UBR2: variants seen among roughly 807,000 people sequenced by gnomAD.
The protein encoded by UBR2 is E3 ubiquitin-protein ligase UBR2.
UBR2 carries 92 observed loss-of-function variants against 247.9 expected under a neutral mutation model. The observed-to-expected ratio is 0.37, with a 90% CI of 0.31 to 0.44. UBR2 has a LOEUF of 0.44. UBR2 is among the 20% of genes least tolerant of loss of function. The pLI is 1.00. For synonymous variants in UBR2, 672 were observed against 693.5 expected (o/e 0.97, Z 0.49); for missense variants, 1,613 against 2,112.6 (o/e 0.76, Z 4.64).
intron 32 of UBR2, 115 bp downstream of exon 32, chr6:42,663,534 C>T (rs4714617): frequency 0.13 from 134,377 of 1,069,442 alleles, 11,842 homozygotes; most frequent in African/African-American, 0.43. Context: ...TTTCCAGATA[C>T]TTTCCAAACT....
chr6:42,659,520 T>TATACACAC lies in UBR2; in HGVS notation c.3243-135_3243-134insTACACACA, dbSNP rs1404867350. ...GTCTCAAAAAATAAATAAATATATA[T>TATACACAC]ACACACACACACACACACACACACA... On this transcript the variant is annotated intron_variant, in intron 29 of 46. Coordinates refer to ENST00000372901, the MANE Select transcript of UBR2 (RefSeq NM_001363705.2). The surrounding 1 kb of genome is among the most constrained non-coding windows in gnomAD (Gnocchi z 4.3). 2.0e-4 allele frequency: 99 copies of TATACACAC among 503,072 alleles called. No homozygotes were observed. Among genetic ancestry groups the TATACACAC allele is most frequent in the African/African-American group, 1.6e-3 (78 of 48,094 alleles). 31.2% of individuals were successfully genotyped at this position (503,072 alleles called of 1,614,324 possible).
At chr6:42,663,512 A>G (rs1253815496) in intron 32 of UBR2, 93 bp downstream of exon 32, 6 of 1,300,618 alleles carry the variant, frequency 4.6e-6, no homozygotes, top group African/African-American at 4.6e-5. Context: ...AGTCTAGGCA[A>G]TTGCATAGTG....
At position 42,676,184 on chromosome 6, in the gene UBR2, A is replaced by G; in HGVS notation, c.4380A>G (p.Ser1460=). Residue 1460 remains serine (S), a synonymous_variant, in exon 39 of 47, where the codon TCA becomes TCG. Transcript: ENST00000372901. The stretch of plus-strand genomic sequence containing the variant: ...ACATCATACAGATCTTACTTACCTC[A>G]TGTACAGGTAACTCTTGCCTTTTTG... The part of the protein sequence containing the change: ...MAHIIQILLT[S]CTEENGMDQE... 2 of 1,590,784 alleles carry G rather than the reference A, an allele frequency of 1.3e-6. No individual in the cohort carries two copies. Among genetic ancestry groups the G allele is most frequent in the Non-Finnish European group, 1.7e-6 (2 of 1,173,268 alleles).
Position 42,659,555 on chromosome 6 carries a change from AC to A in UBR2, c.3243-100del. On this transcript the variant is annotated intron_variant, in intron 29 of 46. Coordinates refer to ENST00000372901, the MANE Select transcript of UBR2 (RefSeq NM_001363705.2). The surrounding 1 kb of genome is among the most constrained non-coding windows in gnomAD (Gnocchi z 4.3). ...CACACACACACACACACACACACACACACACACTACACACACACACACATAC... is the reference window on the plus strand; with the variant it reads ...CACACACACACACACACACACACACAACACACTACACACACACACACATAC... The A allele has an allele frequency of 3.7e-6, 3 of 803,816 alleles. No individual in the cohort carries two copies. The highest frequency in any genetic ancestry group is 4.0e-6 in the Non-Finnish European group (2 of 505,154). The allele number at this position is 803,816 out of a possible 1,614,324, so 49.8% of individuals were successfully genotyped here. A position where few individuals can be genotyped will look rare whatever the true frequency, so the allele number is the denominator to read the frequency against.
At chr6:42,686,789 C>T (rs1024533109) in intron 44 of UBR2, among the ~76,000 whole-genome samples, 13 of 151,472 alleles carry the variant, frequency 8.6e-5, no homozygotes, top group East Asian at 2.0e-4. Flanking sequence ...TGGGCGGAGA[C>T]GCTCCTCACT....
In UBR2 at chr6:42,659,634, A is replaced by G. The variant is rs1441076130; in HGVS notation, c.3243-22A>G. The G allele has an allele frequency of 6.2e-7, 1 of 1,605,668 alleles. No individual in the cohort carries two copies. On this transcript the variant is annotated intron_variant, in intron 29 of 46. Transcript: ENST00000372901. The surrounding 1 kb of genome is among the most constrained non-coding windows in gnomAD (Gnocchi z 4.3). ...AGAAAGTTTTGGGATCATTAATTAT[A>G]TTCATAACCTTTGTATTGCAGCCCT...
At chr6:42,641,543 T>G (rs763843986) in intron 16 of UBR2, 39 bp from the exon 17 acceptor site, 33 of 1,511,228 alleles carry the variant, frequency 2.2e-5, no homozygotes, top group South Asian at 1.4e-4. Flanking sequence ...ATGTGTGTGT[T>G]TTTTTTGTTT....
At chr6:42,657,446 C>T (rs1468693838) in intron 26 of UBR2, among the ~76,000 whole-genome samples, 1 of 152,186 alleles carries the variant, frequency 6.6e-6, no homozygotes, top group Non-Finnish European at 1.5e-5. Context: ...TTAAAGATCA[C>T]ACAGGTCAAT....
At chr6:42,677,337 T>C (rs928100826) in intron 40 of UBR2, among the ~76,000 whole-genome samples, 2 of 152,244 alleles carry the variant, frequency 1.3e-5, no homozygotes, top group African/African-American at 4.8e-5. Context: ...AGCAATTCAG[T>C]AGTTTGCTTA....
intron 9 of UBR2, 110 bp from the exon 10 acceptor site, chr6:42,615,892 A>T: frequency 1.2e-6 from 1 of 823,010 alleles, no homozygotes; most frequent in Non-Finnish European, 1.8e-6. Context: ...ACACTGTCTC[A>T]AAAGTAAAAA....
chr6:42,681,546 C>A (rs1314998241), intron 42 of UBR2, among the ~76,000 whole-genome samples: 1 of 151,690 alleles, frequency 6.6e-6, no homozygotes, highest in Non-Finnish European at 1.5e-5. Flanking sequence ...ACTGACATAC[C>A]ACTTCACACC....
intron 42 of UBR2, among the ~76,000 whole-genome samples, chr6:42,680,664 G>A (rs1344014717): frequency 6.6e-6 from 1 of 152,194 alleles, no homozygotes; most frequent in East Asian, 1.9e-4. Flanking sequence ...GTGAAGTCTA[G>A]AGAAATTGGC....
intron 4 of UBR2, among the ~76,000 whole-genome samples, chr6:42,596,117 A>T (rs1403243611): frequency 6.7e-6 from 1 of 149,518 alleles, no homozygotes; most frequent in Non-Finnish European, 1.5e-5. Context: ...CCATGTATCC[A>T]AAAAGGATCT....
chr6:42,685,860 G>A (rs1035822380), intron 44 of UBR2, among the ~76,000 whole-genome samples: 120 of 151,736 alleles, frequency 7.9e-4, no homozygotes, highest in African/African-American at 2.8e-3. Flanking sequence ...CTGGGTGACA[G>A]CGAGACCTTG....
chr6:42,634,323 A>G, intron 13 of UBR2: 1 of 388,036 alleles, frequency 2.6e-6, no homozygotes, highest in Non-Finnish European at 5.0e-6. Context: ...AACTGTAAGA[A>G]GATAGGTGAC....
intron 2 of UBR2, among the ~76,000 whole-genome samples, chr6:42,577,286 T>C (rs1791584874): frequency 6.6e-6 from 1 of 152,176 alleles, no homozygotes; most frequent in Non-Finnish European, 1.5e-5. Context: ...AAGAATGATA[T>C]TAAAGGATCT....
intron 11 of UBR2, among the ~76,000 whole-genome samples, chr6:42,631,339 A>C (rs1487801824): frequency 1.3e-5 from 2 of 152,184 alleles, no homozygotes; most frequent in Non-Finnish European, 2.9e-5. Context: ...GATTAACACC[A>C]TCAAAATGGC....
chr6:42,615,898 AAAAAC>A (rs1003817633), intron 9 of UBR2, 99 bp from the exon 10 acceptor site: 19 of 874,034 alleles, frequency 2.2e-5, no homozygotes, highest in South Asian at 1.1e-4. Context: ...TCTCAAAAGT[AAAAAC>A]AAAACAAAAC....
chr6:42,659,692 C>T lies in UBR2; in HGVS notation c.3279C>T (p.Gly1093=), dbSNP rs6916713. 0.28 allele frequency: 452,330 copies of T among 1,609,830 alleles called. 64,996 individuals carry two copies. The highest frequency in any genetic ancestry group is 0.33 in the East Asian group (14,810 of 44,818). Residue 1093 remains glycine (G), a synonymous_variant, in exon 30 of 47, where the codon GGC becomes GGT. Transcript: ENST00000372901. The surrounding 1 kb of genome is among the most constrained non-coding windows in gnomAD (Gnocchi z 4.3). The stretch of plus-strand genomic sequence containing the variant: ...CAGATATGACACTTACAGCACTGGG[C>T]CCCGCACAAACTCAGGTTCCTGAAC... ...VASDMTLTAL[G]PAQTQVPEQR... is the part of the protein sequence containing the mutation.
Sources: gnomAD v4.1 joint callset for allele counts (sites outside exome capture counted in the v4.1 genomes callset) on GRCh38, gnomAD v4.1.1 for gene constraint, Gnocchi (gnomAD v3.1) non-coding constraint, MANE v1.5 for transcripts, NCBI Gene and HGNC (gene_info 2026-07-23, HGNC 2026-07-21) for gene names.